Variants in STPG2 observed in about 807,000 individuals in gnomAD.
STPG2 encodes sperm tail PG-rich repeat containing 2, also known as sperm-tail PG-rich repeat-containing protein 2.
In STPG2, 56 loss-of-function variants were observed where a neutral mutation model predicts 54.2. That is an observed-to-expected ratio of 1.03 (90% CI 0.83 to 1.29). The LOEUF is 1.29. Among genes scored for constraint, STPG2 ranks in the 50% most tolerant of loss-of-function variants. The pLI is 0.00. For synonymous variants in STPG2, 200 were observed against 181.8 expected (o/e 1.10, Z -0.81); for missense variants, 596 against 544.9 (o/e 1.09, Z -0.93).
intron 4 of STPG2, among the ~76,000 whole-genome samples, chr4:97,476,372 A>G (rs1328311257): frequency 6.6e-6 from 1 of 152,248 alleles, no homozygotes; most frequent in African/African-American, 2.4e-5. Flanking sequence ...AAATTTTTCT[A>G]TATATAGCTT....
At position 97,580,602 on chromosome 4, in the gene STPG2, C is replaced by G. The variant is rs578103572; in HGVS notation, c.1321-21485G>C. Among the ~76,000 whole-genome samples the G allele has an allele frequency of 1.4e-3, 205 of 151,686 alleles. 2 individuals carry two copies. The highest frequency in any genetic ancestry group is 4.7e-3 in the African/African-American group (196 of 41,438). On this transcript the variant is annotated intron_variant, in intron 10 of 10. Coordinates refer to ENST00000295268, the MANE Select transcript of STPG2 (RefSeq NM_174952.3). ...ACACACAAAGAGAATTATTTAAATT[C>G]CTCAAAGAAATACTATTTTAATTAC...
At chr4:97,582,854 C>T (rs763717761) in intron 10 of STPG2, among the ~76,000 whole-genome samples, 1 of 151,904 alleles carries the variant, frequency 6.6e-6, no homozygotes, top group Non-Finnish European at 1.5e-5. Flanking sequence ...GAGGTCAGTG[C>T]TATGTGAAAT....
chr4:97,706,836 A>C (rs118017525), intron 10 of STPG2, among the ~76,000 whole-genome samples: 1 of 152,182 alleles, frequency 6.6e-6, no homozygotes, highest in East Asian at 1.9e-4. Flanking sequence ...GAGAATAAGA[A>C]AAGAGAAAAT....
At chr4:97,838,364 A>G (rs1728693926) in intron 9 of STPG2, among the ~76,000 whole-genome samples, 2 of 151,430 alleles carry the variant, frequency 1.3e-5, no homozygotes. Context: ...TGATTATACA[A>G]TGATGTTTTA....
At chr4:97,995,369 T>G (rs897618577) in intron 5 of STPG2, among the ~76,000 whole-genome samples, 2 of 152,108 alleles carry the variant, frequency 1.3e-5, no homozygotes, top group African/African-American at 4.8e-5. Flanking sequence ...GGTATGTTTC[T>G]GTGATAGTTC....
chr4:97,683,512 G>GA (rs1197812336), intron 10 of STPG2, among the ~76,000 whole-genome samples: 4 of 151,628 alleles, frequency 2.6e-5, no homozygotes, highest in Admixed American at 1.3e-4. Context: ...TTTGGATCAG[G>GA]AAAAAAATCA....
At chr4:97,899,680 C>A (rs1191415383) in intron 8 of STPG2, among the ~76,000 whole-genome samples, 1 of 151,988 alleles carries the variant, frequency 6.6e-6, no homozygotes, top group African/African-American at 2.4e-5. Context: ...CATCTACAAC[C>A]ATCTGATCTT....
chr4:97,611,192 T>C (rs1011976775), intron 10 of STPG2, among the ~76,000 whole-genome samples: 9 of 151,960 alleles, frequency 5.9e-5, no homozygotes, highest in African/African-American at 2.2e-4. Flanking sequence ...TCATTCATTC[T>C]GTGTTACCTA....
intron 8 of STPG2, among the ~76,000 whole-genome samples, chr4:97,917,838 A>G (rs578039856): frequency 6.6e-6 from 1 of 152,234 alleles, no homozygotes; most frequent in South Asian, 2.1e-4. Flanking sequence ...TCTAAATTTC[A>G]TCTTTTTAGG....
intron 9 of STPG2, among the ~76,000 whole-genome samples, chr4:97,778,266 ATCCCATGCCTGGCTCGGAGGG>A (rs1312632011): frequency 6.1e-4 from 93 of 151,988 alleles, no homozygotes; most frequent in African/African-American, 1.9e-3. Context: ...AGGAGATTAT[ATCCCATGCCTGGCTCGGAGGG>A]TCCCATGCCT....
At chr4:97,535,568 TCC>T (rs1420008360) in intron 4 of STPG2, among the ~76,000 whole-genome samples, 1 of 152,170 alleles carries the variant, frequency 6.6e-6, no homozygotes, top group Non-Finnish European at 1.5e-5. Flanking sequence ...AAAACACAGT[TCC>T]ATTTTCTCTA....
intron 9 of STPG2, among the ~76,000 whole-genome samples, chr4:97,839,320 T>A (rs908115191): frequency 3.3e-5 from 5 of 151,638 alleles, no homozygotes; most frequent in African/African-American, 1.2e-4. Context: ...ACTTGCCCTA[T>A]GCTAAATACT....
At chr4:97,560,572 G>C (rs777436167) in intron 10 of STPG2, among the ~76,000 whole-genome samples, 1 of 152,152 alleles carries the variant, frequency 6.6e-6, no homozygotes, top group Non-Finnish European at 1.5e-5. Context: ...AAGGAGATGA[G>C]TGTCCACTGT....
At chr4:97,683,381 CAAT>C (rs2148981265) in intron 10 of STPG2, among the ~76,000 whole-genome samples, 2 of 151,884 alleles carry the variant, frequency 1.3e-5, no homozygotes, top group Admixed American at 6.6e-5. Flanking sequence ...CAATTAGCAA[CAAT>C]GACAAACAGC....
intron 4 of STPG2, among the ~76,000 whole-genome samples, chr4:97,476,129 A>C (rs1457610729): frequency 1.3e-5 from 2 of 152,172 alleles, no homozygotes; most frequent in Non-Finnish European, 2.9e-5. Flanking sequence ...TTTAATTTTT[A>C]ATGTGGTAAA....
chr4:97,653,122 G>A (rs1169544878), intron 10 of STPG2, among the ~76,000 whole-genome samples: 4 of 151,886 alleles, frequency 2.6e-5, no homozygotes, highest in Non-Finnish European at 5.9e-5. Context: ...TAGGTAGATA[G>A]ATAGATAGAT....
intron 9 of STPG2, among the ~76,000 whole-genome samples, chr4:97,821,699 C>T (rs1728096654): frequency 6.6e-6 from 1 of 152,184 alleles, no homozygotes; most frequent in Non-Finnish European, 1.5e-5. Context: ...ACTCTGTGTG[C>T]CTACAGACTT....
intron 8 of STPG2, among the ~76,000 whole-genome samples, chr4:97,855,330 G>A (rs1035529821): frequency 1.3e-5 from 2 of 151,978 alleles, no homozygotes; most frequent in South Asian, 2.1e-4. Flanking sequence ...TTGAAGAATC[G>A]CCGCAGTCTT....
At chr4:97,461,911 T>G (rs2148808588) in intron 4 of STPG2, among the ~76,000 whole-genome samples, 2 of 152,304 alleles carry the variant, frequency 1.3e-5, no homozygotes, top group East Asian at 3.9e-4. Context: ...TCCATTCATT[T>G]TAATGGTATC....
Sources: allele counts gnomAD v4.1 joint callset (sites outside exome capture counted in the v4.1 genomes callset), GRCh38; gene constraint gnomAD v4.1.1; transcripts MANE v1.5; gene names NCBI Gene and HGNC (gene_info 2026-07-23, HGNC 2026-07-21).